Variants in RGS20 observed in about 807,000 individuals in gnomAD.
The protein encoded by RGS20 is regulator of G protein signaling 20.
Under a neutral mutation model 33.6 loss-of-function variants are expected in RGS20, and 30 were observed. That is an observed-to-expected ratio of 0.89 (90% confidence interval 0.67 to 1.21). The LOEUF (loss-of-function observed/expected upper bound fraction) is 1.21. Ranked by LOEUF, RGS20 falls within the 50% of genes most tolerant of loss-of-function variation. The pLI, the probability that RGS20 is intolerant of heterozygous loss-of-function variation, is 0.00. For synonymous variants in RGS20, 208 were observed against 197.9 expected, an observed-to-expected ratio of 1.05 and a Z score of -0.43; for missense variants, 472 against 502.4, an observed-to-expected ratio of 0.94 and a Z score of 0.58.
intron 2 of RGS20, among the ~76,000 whole-genome samples, chr8:53,912,466 T>C (rs1321453146): frequency 1.3e-5 from 2 of 152,264 alleles, no homozygotes; most frequent in East Asian, 3.9e-4. Flanking sequence ...TTTTAATATT[T>C]ATTCTTGAAT....
At position 53,946,664 on chromosome 8, in the gene RGS20, G is replaced by A; in HGVS notation, c.660-1G>A. On this transcript the variant is annotated splice_acceptor_variant, in intron 3 of 5. Transcript: ENST00000297313. LOFTEE classifies it high-confidence loss of function. ...AACATGTGAATGTCTTTTTTTTGCA[G>A]TCTCACTGTTAGAAACCAGGAAGAT... 1.2e-6 allele frequency: 2 copies of A among 1,608,752 alleles called. No individual in the cohort carries two copies. The highest frequency in any genetic ancestry group is 1.7e-6 in the Non-Finnish European group (2 of 1,177,530).
At chr8:53,953,732 G>C (rs939023241) in intron 4 of RGS20, among the ~76,000 whole-genome samples, 1 of 152,150 alleles carries the variant, frequency 6.6e-6, no homozygotes, top group African/African-American at 2.4e-5. Context: ...AGATGATTAG[G>C]AAGTTTTGGG....
chr8:53,958,200 A>G (rs534284324), intron 5 of RGS20, 70 bp from the exon 5 acceptor site: 104 of 1,118,248 alleles, frequency 9.3e-5, no homozygotes, highest in Non-Finnish European at 1.2e-4. Context: ...AATCCCCACA[A>G]GCTCTAGGAG....
At chr8:53,948,104 T>C (rs1814577484) in intron 4 of RGS20, among the ~76,000 whole-genome samples, 1 of 135,674 alleles carries the variant, frequency 7.4e-6, no homozygotes, top group Non-Finnish European at 1.5e-5. Context: ...AGTATATATA[T>C]GCTATATATA....
At chr8:53,854,397 C>A (rs1317830581) in intron 1 of RGS20, among the ~76,000 whole-genome samples, 1 of 151,782 alleles carries the variant, frequency 6.6e-6, no homozygotes, top group Non-Finnish European at 1.5e-5. Context: ...AACAATCCAA[C>A]AAGAATATGG....
chr8:53,947,116 CATAT>C (rs1182248282), intron 4 of RGS20, among the ~76,000 whole-genome samples: 2 of 144,840 alleles, frequency 1.4e-5, no homozygotes, highest in East Asian at 2.0e-4. Context: ...TAAAATACAG[CATAT>C]ATACTTATAT....
chr8:53,873,696 A>G (rs546523263), intron 1 of RGS20, among the ~76,000 whole-genome samples: 3 of 152,360 alleles, frequency 2.0e-5, no homozygotes, highest in Non-Finnish European at 2.9e-5. Context: ...TAAGTGAAAG[A>G]GACAAAATTA....
At chr8:53,913,212 C>T (rs1023224807) in intron 2 of RGS20, among the ~76,000 whole-genome samples, 4 of 152,060 alleles carry the variant, frequency 2.6e-5, no homozygotes, top group African/African-American at 4.8e-5. Flanking sequence ...GTGATCCACC[C>T]GCCTCAGGCT....
Position 53,877,295 on chromosome 8 carries a change from C to G in RGS20, c.166-1963C>G, listed in dbSNP as rs1399777174. On this transcript the variant is annotated intron_variant, in intron 1 of 5. Coordinates refer to ENST00000297313, the MANE Select transcript of RGS20 (RefSeq NM_170587.4). The surrounding 1 kb of genome is among the most constrained non-coding windows in gnomAD (Gnocchi z 5.7). ...TAGCGTGGGGTCCCGCCGGCCCTGC[C>G]GCCCGTGGCCGCCGAAGTTCCCGCC... Among the ~76,000 whole-genome samples the G allele has an allele frequency of 6.6e-6, 1 of 152,158 alleles. No homozygotes were observed. The highest frequency in any genetic ancestry group is 1.5e-5 in the Non-Finnish European group (1 of 68,012).
chr8:53,928,900 G>C (rs886843765), intron 2 of RGS20, among the ~76,000 whole-genome samples: 2 of 151,950 alleles, frequency 1.3e-5, no homozygotes, highest in Non-Finnish European at 2.9e-5. Flanking sequence ...CCATCAAAAA[G>C]GTCTAAGTCC....
At chr8:53,935,901 C>T (rs1238308169) in intron 2 of RGS20, among the ~76,000 whole-genome samples, 1 of 152,168 alleles carries the variant, frequency 6.6e-6, no homozygotes, top group Non-Finnish European at 1.5e-5. Context: ...TTATCCACCA[C>T]CATCAAGTCG....
chr8:53,943,430 T>A (rs1042891457), intron 3 of RGS20, among the ~76,000 whole-genome samples: 51 of 152,330 alleles, frequency 3.3e-4, no homozygotes, highest in African/African-American at 1.1e-3. Context: ...AAAGTTTTTT[T>A]CCTTTCTAGT....
chr8:53,942,017 T>TGG (rs1814311934), intron 3 of RGS20, among the ~76,000 whole-genome samples: 2 of 152,214 alleles, frequency 1.3e-5, no homozygotes, highest in Non-Finnish European at 2.9e-5. Flanking sequence ...CTCACGCCTG[T>TGG]AATCCCAGCA....
At chr8:53,874,401 T>TGCGC (rs1554518107) in intron 1 of RGS20, among the ~76,000 whole-genome samples, 5 of 124,908 alleles carry the variant, frequency 4.0e-5, no homozygotes, top group African/African-American at 1.4e-4. Flanking sequence ...TGTGTGTGTG[T>TGCGC]GCGCGCGCGT....
chr8:53,885,485 G>T (rs972296148), intron 2 of RGS20, among the ~76,000 whole-genome samples: 7 of 152,078 alleles, frequency 4.6e-5, no homozygotes, highest in Non-Finnish European at 1.0e-4. Context: ...GTATTAGCGG[G>T]CGTCTGTAGT....
chr8:53,858,532 C>A (rs73680331), intron 1 of RGS20, among the ~76,000 whole-genome samples: 5,425 of 151,884 alleles, frequency 0.036, 267 homozygotes, highest in African/African-American at 0.11. Flanking sequence ...TTAAAAACCT[C>A]TATGTACACA....
At position 53,939,522 on chromosome 8, in the gene RGS20, C is replaced by T. The variant is rs564722883; in HGVS notation, c.511-54C>T. 3.5e-6 allele frequency: 5 copies of T among 1,427,908 alleles called. No individual in the cohort carries two copies. The African/African-American group carries it at 5.7e-5, about 16-fold the overall frequency. The allele number at this position is 1,427,908 out of a possible 1,614,324, so 88.5% of individuals were successfully genotyped here. On this transcript the variant is annotated intron_variant, in intron 2 of 5. Coordinates refer to ENST00000297313, the MANE Select transcript of RGS20 (RefSeq NM_170587.4). ...AAACAGCTGACTCCCTGGGCTTACG[C>T]CTTCATAACGCTGGAACCCCCTCCC...
intron 1 of RGS20, among the ~76,000 whole-genome samples, chr8:53,852,934 G>GA (rs201803452): frequency 8.4e-4 from 124 of 147,470 alleles, no homozygotes; most frequent in African/African-American, 2.1e-3. Context: ...AAGTGGAGGG[G>GA]AAAAAAAAAA....
At chr8:53,955,542 A>C (rs1426096466) in intron 5 of RGS20, among the ~76,000 whole-genome samples, 1 of 152,134 alleles carries the variant, frequency 6.6e-6, no homozygotes, top group Non-Finnish European at 1.5e-5. Flanking sequence ...AAAATGTAGG[A>C]GGCCAGCCCT....
Sources: allele counts gnomAD v4.1 joint callset (sites outside exome capture counted in the v4.1 genomes callset), GRCh38; gene constraint gnomAD v4.1.1; non-coding constraint Gnocchi (gnomAD v3.1); transcripts MANE v1.5; gene names NCBI Gene and HGNC (gene_info 2026-07-23, HGNC 2026-07-21).